PSMD14: variants seen among roughly 807,000 people sequenced by gnomAD.
The protein encoded by PSMD14 is proteasome 26S subunit, non-ATPase 14.
A neutral mutation model predicts 41.2 loss-of-function variants in PSMD14; 7 were observed. The ratio of observed to expected loss-of-function variants is 0.17; its 90% confidence interval spans 0.10 to 0.32. The LOEUF is 0.32. Among genes scored for constraint, PSMD14 ranks in the 10% least tolerant of loss-of-function variants. The pLI is 1.00. For missense variants in PSMD14, 139 were observed against 375.6 expected, an observed-to-expected ratio of 0.37 and a Z score of 5.21; for synonymous variants, 114 against 122.3, an observed-to-expected ratio of 0.93 and a Z score of 0.45.
intron 3 of PSMD14, among the ~76,000 whole-genome samples, chr2:161,336,100 G>A (rs920923181): frequency 2.0e-5 from 3 of 151,900 alleles, no homozygotes; most frequent in East Asian, 1.9e-4. Context: ...CCCATTTTAG[G>A]TTTGTAAATA....
chr2:161,393,283 A>G (rs1683739857), intron 9 of PSMD14, among the ~76,000 whole-genome samples: 2 of 152,206 alleles, frequency 1.3e-5, no homozygotes, highest in Admixed American at 1.3e-4. Flanking sequence ...TAGTTGTAGC[A>G]GCACCCACAT....
At chr2:161,376,053 A>G (rs1683498159) in intron 7 of PSMD14, among the ~76,000 whole-genome samples, 1 of 150,900 alleles carries the variant, frequency 6.6e-6, no homozygotes. Flanking sequence ...CAGTTTACTC[A>G]AATAGTAGTC....
chr2:161,308,456 T>A lies in PSMD14; in HGVS notation c.-286T>A, dbSNP rs934867373. The stretch of plus-strand genomic sequence containing the variant: ...TTCGCGGCGGAGGCCCGGGCAACTC[T>A]TTTGAATGGAATCGGGCTGATTCAT... On this transcript the variant is annotated 5_prime_UTR_variant, in exon 1 of 12. Coordinates refer to ENST00000409682, the MANE Select transcript of PSMD14 (RefSeq NM_005805.6). 1 of 152,292 alleles carries A rather than the reference T, an allele frequency of 6.6e-6. No homozygotes were observed. Among genetic ancestry groups the A allele is most frequent in the Admixed American group, 6.5e-5 (1 of 15,280 alleles). The allele number at this position is 152,292 out of a possible 1,614,324, so 9.4% of individuals were successfully genotyped here.
chr2:161,361,483 T>C (rs796342373), intron 3 of PSMD14, among the ~76,000 whole-genome samples: 1 of 152,104 alleles, frequency 6.6e-6, no homozygotes, highest in African/African-American at 2.4e-5. Context: ...TACATATTAT[T>C]GGAAAATAGA....
At chr2:161,399,886 T>A (rs559815956) in intron 10 of PSMD14, among the ~76,000 whole-genome samples, 2 of 152,246 alleles carry the variant, frequency 1.3e-5, no homozygotes, top group African/African-American at 4.8e-5. Flanking sequence ...CACAAAAACA[T>A]ACAGAAATAT....
chr2:161,366,536 A>G (rs998615399), intron 3 of PSMD14, among the ~76,000 whole-genome samples: 1 of 152,152 alleles, frequency 6.6e-6, no homozygotes, highest in Non-Finnish European at 1.5e-5. Context: ...GGATAAGGTA[A>G]CATGTTGTTT....
At position 161,317,846 on chromosome 2, in the gene PSMD14, T is replaced by C. The variant is rs116188096; in HGVS notation, c.-4-976T>C. Among the ~76,000 whole-genome samples, 542 of 152,302 alleles carry C rather than the reference T, an allele frequency of 3.6e-3. 2 individuals are homozygous for C. The highest frequency in any genetic ancestry group is 0.012 in the African/African-American group (518 of 41,572). On this transcript the variant is annotated intron_variant, in intron 2 of 11. Transcript: ENST00000409682. Reference sequence around the variant, plus strand: ...AATACCATTTTCTTAAGCATACACTTAGGAAGAAGAGGAATTTCATTTAGG... The same window carrying C: ...AATACCATTTTCTTAAGCATACACTCAGGAAGAAGAGGAATTTCATTTAGG...
At chr2:161,341,891 T>C (rs1367317762) in intron 3 of PSMD14, among the ~76,000 whole-genome samples, 4 of 149,636 alleles carry the variant, frequency 2.7e-5, no homozygotes, top group Non-Finnish European at 5.9e-5. Flanking sequence ...TATATAAATT[T>C]GTGTTATAAA....
chr2:161,325,808 G>A (rs1682686566), intron 3 of PSMD14, among the ~76,000 whole-genome samples: 2 of 152,086 alleles, frequency 1.3e-5, no homozygotes, highest in Non-Finnish European at 2.9e-5. Flanking sequence ...AGATAATCAG[G>A]TAGACCAGTA....
intron 3 of PSMD14, among the ~76,000 whole-genome samples, chr2:161,335,926 A>T (rs1682863076): frequency 6.6e-6 from 1 of 152,192 alleles, no homozygotes; most frequent in Non-Finnish European, 1.5e-5. Flanking sequence ...TTATTATTAG[A>T]AGTAATATAT....
chr2:161,343,639 C>A (rs1467244617), intron 3 of PSMD14, among the ~76,000 whole-genome samples: 1 of 152,158 alleles, frequency 6.6e-6, no homozygotes, highest in Non-Finnish European at 1.5e-5. Flanking sequence ...ACCAGCCTGC[C>A]CAACATGGTG....
intron 3 of PSMD14, among the ~76,000 whole-genome samples, chr2:161,366,474 T>G (rs1683360167): frequency 6.6e-6 from 1 of 152,080 alleles, no homozygotes; most frequent in Admixed American, 6.6e-5. Context: ...AGCAATTGTT[T>G]ACTTTTAGTA....
chr2:161,326,716 G>A (rs979198530), intron 3 of PSMD14, among the ~76,000 whole-genome samples: 9 of 152,158 alleles, frequency 5.9e-5, no homozygotes, highest in African/African-American at 1.9e-4. Context: ...TAGTATCCTC[G>A]GGGGATTGAT....
chr2:161,400,584 C>T (rs1683862148), intron 10 of PSMD14, among the ~76,000 whole-genome samples: 1 of 152,130 alleles, frequency 6.6e-6, no homozygotes, highest in Non-Finnish European at 1.5e-5. Flanking sequence ...GACAAGGTCT[C>T]ACTGTGTCAC....
chr2:161,405,663 A>G (rs1052593086), intron 10 of PSMD14, among the ~76,000 whole-genome samples: 38 of 152,202 alleles, frequency 2.5e-4, no homozygotes, highest in Non-Finnish European at 1.5e-5. Context: ...AAAAATCATG[A>G]AAGAAGTAAA....
chr2:161,340,298 G>C (rs1682932184), intron 3 of PSMD14, among the ~76,000 whole-genome samples: 1 of 152,220 alleles, frequency 6.6e-6, no homozygotes, highest in Non-Finnish European at 1.5e-5. Context: ...CAGCCAGAGA[G>C]AGAAGTGGGG....
chr2:161,359,965 A>G (rs1683266732), intron 3 of PSMD14, among the ~76,000 whole-genome samples: 1 of 152,194 alleles, frequency 6.6e-6, no homozygotes, highest in African/African-American at 2.4e-5. Context: ...CACACAGCTA[A>G]AGTGGTAGCA....
At chr2:161,374,725 A>AT (rs1683480613) in intron 7 of PSMD14, among the ~76,000 whole-genome samples, 1 of 152,032 alleles carries the variant, frequency 6.6e-6, no homozygotes, top group African/African-American at 2.4e-5. Context: ...CTCAGCCCAT[A>AT]ACCAGATCCA....
intron 2 of PSMD14, among the ~76,000 whole-genome samples, chr2:161,317,723 T>C (rs1689161227): frequency 6.6e-6 from 1 of 152,194 alleles, no homozygotes; most frequent in African/African-American, 2.4e-5. Context: ...ATAAGTACAT[T>C]ATTGAGTTTT....
Sources: allele counts gnomAD v4.1 joint callset (sites outside exome capture counted in the v4.1 genomes callset), GRCh38; gene constraint gnomAD v4.1.1; transcripts MANE v1.5; gene names NCBI Gene and HGNC (gene_info 2026-07-23, HGNC 2026-07-21).